The following ADAMTS12 variants were observed in gnomAD, a reference collection of about 807,000 sequenced individuals.
ADAMTS12 encodes A disintegrin and metalloproteinase with thrombospondin motifs 12.
A neutral mutation model predicts 167.8 loss-of-function variants in ADAMTS12; 118 were observed. That is an observed-to-expected ratio of 0.70 (90% CI 0.61 to 0.82). The LOEUF is 0.82. Ranked by LOEUF, ADAMTS12 falls within the 40% of genes least tolerant of loss-of-function variation. ADAMTS12 has a pLI of 0.00. For synonymous variants in ADAMTS12, 704 were observed against 716.9 expected, an observed-to-expected ratio of 0.98 and a Z score of 0.29; for missense variants, 1,916 against 1,998.8, an observed-to-expected ratio of 0.96 and a Z score of 0.79.
At chr5:33,793,993 C>G (rs918930052) in intron 2 of ADAMTS12, among the ~76,000 whole-genome samples, 1 of 152,180 alleles carries the variant, frequency 6.6e-6, no homozygotes, top group Admixed American at 6.5e-5. Flanking sequence ...ATTCCTCCTC[C>G]CCGTGGAGTT....
chr5:33,563,939 T>A (rs1019498984), intron 19 of ADAMTS12, among the ~76,000 whole-genome samples: 1 of 152,224 alleles, frequency 6.6e-6, no homozygotes, highest in African/African-American at 2.4e-5. Flanking sequence ...AGTGAGGACA[T>A]ACAGCTGGTA....
intron 3 of ADAMTS12, among the ~76,000 whole-genome samples, chr5:33,703,555 T>G (rs1020450392): frequency 6.6e-6 from 1 of 152,168 alleles, no homozygotes; most frequent in Non-Finnish European, 1.5e-5. Context: ...ACCTCCCCAT[T>G]TCTTCCTCCC....
chr5:33,678,952 C>A (rs1742014972), intron 5 of ADAMTS12, among the ~76,000 whole-genome samples: 1 of 152,168 alleles, frequency 6.6e-6, no homozygotes. Flanking sequence ...TACCTGATAA[C>A]AGACTTGACA....
At chr5:33,738,766 A>G (rs1242776589) in intron 3 of ADAMTS12, among the ~76,000 whole-genome samples, 2 of 152,210 alleles carry the variant, frequency 1.3e-5, no homozygotes, top group African/African-American at 4.8e-5. Context: ...TGATCCTATT[A>G]GGAAGGAGCT....
At chr5:33,700,393 A>G (rs1196849585) in intron 3 of ADAMTS12, among the ~76,000 whole-genome samples, 1 of 152,232 alleles carries the variant, frequency 6.6e-6, no homozygotes, top group Non-Finnish European at 1.5e-5. Context: ...ATGACTCACC[A>G]GGAAATAATT....
chr5:33,840,677 A>T (rs1215902362), intron 2 of ADAMTS12, among the ~76,000 whole-genome samples: 1 of 152,230 alleles, frequency 6.6e-6, no homozygotes. Context: ...CTCTATGCCC[A>T]AGGCCCCAGG....
chr5:33,644,887 C>T (rs1045422951), intron 9 of ADAMTS12, among the ~76,000 whole-genome samples: 16 of 152,064 alleles, frequency 1.1e-4, no homozygotes, highest in East Asian at 5.8e-4. Context: ...CCCGCCTCCA[C>T]GCCCGGCTAA....
At chr5:33,839,223 A>G (rs1748649398) in intron 2 of ADAMTS12, among the ~76,000 whole-genome samples, 1 of 152,222 alleles carries the variant, frequency 6.6e-6, no homozygotes, top group South Asian at 2.1e-4. Context: ...GTCATTGTCT[A>G]CAAATAGGAG....
chr5:33,573,762 A>C lies in ADAMTS12; in HGVS notation c.3972+2292T>G, dbSNP rs1417096852. 3.9e-5 allele frequency among the ~76,000 whole-genome samples: 6 copies of C among 152,352 alleles called. 1 individual carries two copies. The East Asian group carries it at 5.8e-4, about 15-fold the overall frequency. On this transcript the variant is annotated intron_variant, in intron 19 of 23. Coordinates refer to ENST00000504830, the MANE Select transcript of ADAMTS12 (RefSeq NM_030955.4). ...TTGACAAATGGGATCTCATTAAACT[A>C]AAGAGCTTCTGCACAGCAAAAGAAA...
chr5:33,562,927 T>G (rs1179881709), intron 19 of ADAMTS12, among the ~76,000 whole-genome samples: 1 of 152,082 alleles, frequency 6.6e-6, no homozygotes, highest in East Asian at 1.9e-4. Context: ...TCACCACGCC[T>G]GGCCTTCACT....
At chr5:33,571,560 C>CGG (rs1746349795) in intron 19 of ADAMTS12, among the ~76,000 whole-genome samples, 7 of 151,978 alleles carry the variant, frequency 4.6e-5, no homozygotes, top group Admixed American at 4.6e-4. Flanking sequence ...AGAACAAAGA[C>CGG]ACCACATACC....
At chr5:33,593,399 A>G (rs1441129407) in intron 17 of ADAMTS12, among the ~76,000 whole-genome samples, 3 of 152,198 alleles carry the variant, frequency 2.0e-5, no homozygotes, top group Non-Finnish European at 4.4e-5. Context: ...TCCCGACTCT[A>G]CAATTTGTAG....
At chr5:33,593,154 G>A (rs1408365787) in intron 17 of ADAMTS12, among the ~76,000 whole-genome samples, 1 of 152,192 alleles carries the variant, frequency 6.6e-6, no homozygotes, top group East Asian at 1.9e-4. Flanking sequence ...GTGTGCGCCT[G>A]TAATCCCAGC....
intron 2 of ADAMTS12, among the ~76,000 whole-genome samples, chr5:33,869,874 G>A (rs574032462): frequency 6.6e-6 from 1 of 152,174 alleles, no homozygotes; most frequent in Non-Finnish European, 1.5e-5. Flanking sequence ...TGGGGGCGCT[G>A]CAGGAGACTA....
At chr5:33,789,453 A>AGACCGCTCTCAGGGTCTCTT (rs1443215578) in intron 2 of ADAMTS12, among the ~76,000 whole-genome samples, 3 of 152,214 alleles carry the variant, frequency 2.0e-5, no homozygotes, top group African/African-American at 7.2e-5. Flanking sequence ...TAGGGTCTCT[A>AGACCGCTCTCAGGGTCTCTT]GACCGCTCTC....
intron 2 of ADAMTS12, among the ~76,000 whole-genome samples, chr5:33,780,175 AAATT>A (rs1746073985): frequency 6.6e-6 from 1 of 152,206 alleles, no homozygotes; most frequent in Non-Finnish European, 1.5e-5. Flanking sequence ...TAAAGATAGA[AAATT>A]AATCCATGAA....
At chr5:33,595,033 T>C (rs912047106) in intron 17 of ADAMTS12, among the ~76,000 whole-genome samples, 4 of 152,170 alleles carry the variant, frequency 2.6e-5, no homozygotes, top group African/African-American at 9.7e-5. Flanking sequence ...CTGTTTAAGG[T>C]TGCCAGAGAA....
At chr5:33,748,862 A>G (rs1164186006) in intron 3 of ADAMTS12, among the ~76,000 whole-genome samples, 1 of 152,174 alleles carries the variant, frequency 6.6e-6, no homozygotes, top group Admixed American at 6.5e-5. Flanking sequence ...TGGTTCAGCA[A>G]GGCCAAGAAC....
intron 2 of ADAMTS12, among the ~76,000 whole-genome samples, chr5:33,838,365 A>AT (rs1262883312): frequency 6.6e-6 from 1 of 152,178 alleles, no homozygotes; most frequent in Non-Finnish European, 1.5e-5. Context: ...GACAAAAAGA[A>AT]TCGTAGGCCA....
Sources: allele counts gnomAD v4.1 joint callset (sites outside exome capture counted in the v4.1 genomes callset), GRCh38; gene constraint gnomAD v4.1.1; transcripts MANE v1.5; gene names NCBI Gene and HGNC (gene_info 2026-07-23, HGNC 2026-07-21).